Variants in SHROOM4 observed in about 807,000 individuals in gnomAD.
SHROOM4 encodes the protein shroom family member 4, also known as protein Shroom4.
In SHROOM4, 17 loss-of-function variants were observed where a neutral mutation model predicts 80.3. The observed-to-expected ratio is 0.21, with a 90% CI of 0.14 to 0.32. The LOEUF is 0.32. SHROOM4 is among the 10% of genes least tolerant of loss of function. SHROOM4 has a pLI of 1.00. For synonymous variants in SHROOM4, 400 were observed against 437.5 expected (o/e 0.91, Z 1.07); for missense variants, 993 against 1,140.3 (o/e 0.87, Z 1.86).
At chrX:50,742,759 T>C (rs1296264111) in intron 1 of SHROOM4, among the ~76,000 whole-genome samples, 2 of 110,956 alleles carry the variant, frequency 1.8e-5, no homozygotes, top group African/African-American at 6.6e-5. Flanking sequence ...TAAGGTAGTG[T>C]TTGCCAGCTT....
intron 1 of SHROOM4, among the ~76,000 whole-genome samples, chrX:50,786,495 T>C (rs1432657411): frequency 8.9e-6 from 1 of 111,992 alleles, no homozygotes; most frequent in Non-Finnish European, 1.9e-5. Flanking sequence ...CTTGTTTGTA[T>C]TGAAGTACTG....
chrX:50,812,704 G>C (rs1936364569), intron 1 of SHROOM4, among the ~76,000 whole-genome samples: 1 of 110,290 alleles, frequency 9.1e-6, no homozygotes, highest in Non-Finnish European at 1.9e-5. Flanking sequence ...TGCGGTGGAC[G>C]TTTGCTGAAC....
At chrX:50,602,569 G>T in intron 7 of SHROOM4, 64 bp downstream of exon 7, 1 of 1,099,546 alleles carries the variant, frequency 9.1e-7, no homozygotes, top group Non-Finnish European at 1.3e-6. Context: ...TAGAAGGCTG[G>T]TCATCCTCCA....
intron 1 of SHROOM4, among the ~76,000 whole-genome samples, chrX:50,750,739 C>T (rs1372113200): frequency 8.9e-6 from 1 of 112,135 alleles, no homozygotes; most frequent in African/African-American, 3.2e-5. Flanking sequence ...GATTTTAAGA[C>T]CTATATGGGA....
At chrX:50,688,798 T>G (rs1933148238) in intron 2 of SHROOM4, among the ~76,000 whole-genome samples, 1 of 108,075 alleles carries the variant, frequency 9.3e-6, no homozygotes, top group Admixed American at 9.9e-5. Flanking sequence ...ACTCAGGAGT[T>G]TTTTTTTTTA....
At chrX:50,811,927 A>C (rs1465654082) in intron 1 of SHROOM4, among the ~76,000 whole-genome samples, 1 of 110,684 alleles carries the variant, frequency 9.0e-6, no homozygotes, top group Non-Finnish European at 1.9e-5. Flanking sequence ...CAGCTTGGCC[A>C]AGGAAACCCT....
intron 4 of SHROOM4, 44 bp from the exon 5 acceptor site, chrX:50,627,719 A>G (rs1557253353): frequency 9.1e-7 from 1 of 1,100,773 alleles, no homozygotes; most frequent in Non-Finnish European, 1.3e-6. Flanking sequence ...TTGAGCAGCC[A>G]GGTATCTAGA....
Position 50,633,321 on chromosome X carries a change from T to A in SHROOM4, c.2752A>T (p.Met918Leu), listed in dbSNP as rs1931151764. The change falls in exon 4 of 9, where the codon ATG (methionine) becomes TTG (leucine). Residue 918 changes from methionine (M) to leucine (L), a missense_variant. Physicochemically the swap from Met to Leu is conservative, Grantham distance 15. Transcript: ENST00000376020. ...CACCGGCAGTTGTAGCAATTTGGCA[T>A]CATATTTCTCTTTAGCAAGGCAGGG... The part of the protein sequence containing the change: ...ICPALLKRNM[M>L]PNCYNCRCHH... 8.3e-7 allele frequency: 1 copy of A among 1,211,351 alleles called. No homozygotes were observed. The highest frequency in any genetic ancestry group is 1.1e-6 in the Non-Finnish European group (1 of 895,429).
chrX:50,733,762 T>C (rs905965140), intron 1 of SHROOM4, among the ~76,000 whole-genome samples: 7 of 112,246 alleles, frequency 6.2e-5, no homozygotes, highest in African/African-American at 2.3e-4. Context: ...GTACTAGATA[T>C]TCTAGCCAGA....
chrX:50,813,880 G>A (rs1557273736), intron 1 of SHROOM4, 22 bp downstream of exon 1: 1 of 1,104,685 alleles, frequency 9.1e-7, no homozygotes. Context: ...GCGCCGTTAG[G>A]ACATCAGCCG....
At chrX:50,629,506 G>A (rs1361762476) in intron 4 of SHROOM4, among the ~76,000 whole-genome samples, 8 of 111,564 alleles carry the variant, frequency 7.2e-5, no homozygotes, top group African/African-American at 2.3e-4. Context: ...AGAACTCAAT[G>A]ACTTGATACA....
chrX:50,796,425 A>G (rs929487565), intron 1 of SHROOM4, among the ~76,000 whole-genome samples: 10 of 111,541 alleles, frequency 9.0e-5, no homozygotes, highest in Non-Finnish European at 1.9e-5. Flanking sequence ...AGAACAGTAC[A>G]GAGAGTGGAA....
chrX:50,805,368 G>T (rs782277020), intron 1 of SHROOM4, among the ~76,000 whole-genome samples: 2 of 111,867 alleles, frequency 1.8e-5, no homozygotes, highest in Non-Finnish European at 3.8e-5. Flanking sequence ...AAAGAGAGAA[G>T]ATCATACAGC....
intron 1 of SHROOM4, among the ~76,000 whole-genome samples, chrX:50,742,641 C>CG (rs56399537): frequency 0.036 from 2,684 of 73,581 alleles, 191 homozygotes; most frequent in African/African-American, 0.15. Flanking sequence ...ATGAATTTTT[C>CG]GGGGGGGGGG....
At chrX:50,740,928 A>ATT (rs1355928631) in intron 1 of SHROOM4, among the ~76,000 whole-genome samples, 2 of 111,744 alleles carry the variant, frequency 1.8e-5, no homozygotes. Flanking sequence ...TTCAGGTCTT[A>ATT]TATTTAAGTC....
intron 1 of SHROOM4, among the ~76,000 whole-genome samples, chrX:50,754,408 G>T (rs1461218878): frequency 8.9e-6 from 1 of 111,935 alleles, no homozygotes; most frequent in Admixed American, 9.5e-5. Context: ...TGCCCTTATA[G>T]ACTTTTCTTT....
chrX:50,736,766 G>A (rs1400771803), intron 1 of SHROOM4, among the ~76,000 whole-genome samples: 1 of 111,990 alleles, frequency 8.9e-6, no homozygotes, highest in African/African-American at 3.2e-5. Context: ...ACCCAGTAGT[G>A]GGATTGCTGG....
rs1260613059 is a variant in SHROOM4, at chrX:50,587,010, A to C, written c.*9685T>G. Among the ~76,000 whole-genome samples the C allele has an allele frequency of 8.9e-6, 1 of 111,934 alleles. No homozygotes were observed. The highest frequency in any genetic ancestry group is 2.8e-4 in the East Asian group (1 of 3,572). ...AACTATAGAACTTATGCTGTACATG[A>C]GATCTCTAGATTTATACATCTTATG... On this transcript the variant is annotated 3_prime_UTR_variant, in exon 9 of 9. Transcript: ENST00000376020.
At chrX:50,705,986 C>G in intron 1 of SHROOM4, among the ~76,000 whole-genome samples, 1 of 81,207 alleles carries the variant, frequency 1.2e-5, no homozygotes, top group African/African-American at 4.5e-5. Flanking sequence ...ACCTCTCATC[C>G]TCTACACACA....
Sources: allele counts gnomAD v4.1 joint callset (sites outside exome capture counted in the v4.1 genomes callset), GRCh38; gene constraint gnomAD v4.1.1; transcripts MANE v1.5; gene names NCBI Gene and HGNC (gene_info 2026-07-23, HGNC 2026-07-21).